Variants in FARS2 observed in about 807,000 individuals in gnomAD.
The protein encoded by FARS2 is phenylalanyl-tRNA synthetase 2, mitochondrial, also known as phenylalanine--tRNA ligase, mitochondrial.
Under a neutral mutation model 46.4 loss-of-function variants are expected in FARS2, and 40 were observed. That is an observed-to-expected ratio of 0.86 (90% CI 0.67 to 1.12). The LOEUF is 1.12. Ranked by LOEUF, FARS2 falls within the 50% of genes most tolerant of loss-of-function variation. The pLI is 0.00. For synonymous variants in FARS2, 234 were observed against 214.9 expected, an observed-to-expected ratio of 1.09 and a Z score of -0.78; for missense variants, 513 against 567.9, an observed-to-expected ratio of 0.90 and a Z score of 0.98.
intron 6 of FARS2, among the ~76,000 whole-genome samples, chr6:5,632,391 CT>C (rs1178567302): frequency 1.3e-5 from 2 of 151,110 alleles, no homozygotes; most frequent in East Asian, 3.9e-4. Flanking sequence ...GTTCTTTTTT[CT>C]TTTTTTTTAA....
chr6:5,546,444 G>A (rs541398286), intron 5 of FARS2, among the ~76,000 whole-genome samples: 1 of 151,630 alleles, frequency 6.6e-6, no homozygotes, highest in East Asian at 2.0e-4. Flanking sequence ...TAGAGACGGG[G>A]TTTCACCATG....
chr6:5,462,083 T>G (rs918715763), intron 4 of FARS2, among the ~76,000 whole-genome samples: 63 of 152,244 alleles, frequency 4.1e-4, no homozygotes, highest in African/African-American at 1.5e-3. Flanking sequence ...ATTATCTGAC[T>G]TTTTGAAAAT....
intron 3 of FARS2, 115 bp downstream of exon 3, chr6:5,404,816 C>G: frequency 1.3e-6 from 1 of 747,680 alleles, no homozygotes; most frequent in East Asian, 3.0e-5. Context: ...TTTTTTTTCC[C>G]CGAGACGGAG....
intron 4 of FARS2, among the ~76,000 whole-genome samples, chr6:5,450,625 T>A (rs1260705734): frequency 6.6e-6 from 1 of 152,134 alleles, no homozygotes; most frequent in African/African-American, 2.4e-5. Flanking sequence ...AAAGGTAAAA[T>A]TCATTCCTAG....
intron 6 of FARS2, among the ~76,000 whole-genome samples, chr6:5,642,540 C>A (rs943193700): frequency 2.6e-5 from 4 of 152,188 alleles, no homozygotes; most frequent in African/African-American, 9.7e-5. Flanking sequence ...GACTTGACAT[C>A]AGAGCATGCC....
chr6:5,717,921 T>TAGAGAGAGAGAGAGAGAGAGAG (rs1561818430), intron 6 of FARS2, among the ~76,000 whole-genome samples: 16 of 30,502 alleles, frequency 5.2e-4, no homozygotes, highest in African/African-American at 4.5e-3. Context: ...TATATATATA[T>TAGAGAGAGAGAGAGAGAGAGAG]ATATATATAT....
intron 6 of FARS2, among the ~76,000 whole-genome samples, chr6:5,681,522 A>G (rs564491126): frequency 6.6e-6 from 1 of 152,302 alleles, no homozygotes; most frequent in South Asian, 2.1e-4. Flanking sequence ...TTCAATGAGT[A>G]TTTCATTTGT....
At chr6:5,644,162 G>GT (rs1169397201) in intron 6 of FARS2, among the ~76,000 whole-genome samples, 2 of 152,092 alleles carry the variant, frequency 1.3e-5, no homozygotes, top group African/African-American at 4.8e-5. Flanking sequence ...ATCCTTGGCA[G>GT]TTTCCTTCCC....
rs115902103 is a variant in FARS2, at chr6:5,320,402, G to C, written c.-21-48148G>C. On this transcript the variant is annotated intron_variant, in intron 1 of 6. Coordinates refer to ENST00000274680, the MANE Select transcript of FARS2 (RefSeq NM_006567.5). ...CAGTTGACTGAGATTCACCTCTGCTGACTGCCCATTCAGTTGTTCTGTGCT... is the reference window on the plus strand; with the variant it reads ...CAGTTGACTGAGATTCACCTCTGCTCACTGCCCATTCAGTTGTTCTGTGCT... Among the ~76,000 whole-genome samples, 1,241 of 152,316 alleles carry C rather than the reference G, an allele frequency of 8.1e-3. 16 individuals carry two copies. The highest frequency in any genetic ancestry group is 0.029 in the African/African-American group (1,190 of 41,548).
intron 3 of FARS2, among the ~76,000 whole-genome samples, chr6:5,423,342 TA>T (rs1562029541): frequency 6.6e-6 from 1 of 151,930 alleles, no homozygotes; most frequent in Non-Finnish European, 1.5e-5. Flanking sequence ...AGGGGCCCAT[TA>T]AATTGTGCCA....
intron 5 of FARS2, chr6:5,609,526 A>G (rs1775053716): frequency 1.6e-6 from 2 of 1,252,632 alleles, no homozygotes; most frequent in Non-Finnish European, 2.3e-6. Context: ...TGACCACTGA[A>G]GTTTCCTCCA....
At chr6:5,560,974 C>CA (rs970841655) in intron 5 of FARS2, among the ~76,000 whole-genome samples, 21 of 151,562 alleles carry the variant, frequency 1.4e-4, no homozygotes, top group Admixed American at 5.9e-4. Context: ...ACTAAAAATA[C>CA]AAAAAAAATA....
At chr6:5,251,761 A>G in the FARS2 span, among the ~76,000 whole-genome samples, 2 of 152,140 alleles carry the variant, frequency 1.3e-5, no homozygotes, top group South Asian at 4.1e-4. Context: ...AGCCTTCTTG[A>G]TCAATCAGTG....
At chr6:5,521,045 T>C (rs576136330) in intron 4 of FARS2, among the ~76,000 whole-genome samples, 2 of 152,306 alleles carry the variant, frequency 1.3e-5, no homozygotes, top group East Asian at 1.9e-4. Flanking sequence ...AGATGAGCTC[T>C]GGTTCTTAGA....
chr6:5,746,619 G>A lies in FARS2; in HGVS notation c.1218-24672G>A, dbSNP rs575785265. ...AGCAGGATTTGGCTGGTGAGACTGC[G>A]GGCTCTGTCAGGAGAAAGCAGGGTG... On this transcript the variant is annotated intron_variant, in intron 6 of 6. Coordinates refer to ENST00000274680, the MANE Select transcript of FARS2 (RefSeq NM_006567.5). Among the ~76,000 whole-genome samples, 33 of 151,462 alleles carry A rather than the reference G, an allele frequency of 2.2e-4. No individual in the cohort carries two copies. In the South Asian group the frequency reaches 6.5e-3, roughly 30 times the overall value.
At chr6:5,680,969 A>G (rs1372309902) in intron 6 of FARS2, among the ~76,000 whole-genome samples, 3 of 152,250 alleles carry the variant, frequency 2.0e-5, no homozygotes, top group Admixed American at 2.0e-4. Flanking sequence ...TTAAAAATAT[A>G]AAAACAATAA....
At chr6:5,609,637 T>C in intron 5 of FARS2, 3 of 1,215,524 alleles carry the variant, frequency 2.5e-6, no homozygotes, top group Non-Finnish European at 3.6e-6. Context: ...TCACCATCTC[T>C]TGCTTTGACA....
intron 5 of FARS2, among the ~76,000 whole-genome samples, chr6:5,605,024 G>A (rs904619035): frequency 6.6e-6 from 1 of 152,210 alleles, no homozygotes; most frequent in Non-Finnish European, 1.5e-5. Context: ...ACAAAGTTAA[G>A]AACCATTGTG....
chr6:5,405,739 G>A (rs192420739), intron 3 of FARS2, among the ~76,000 whole-genome samples: 372 of 151,750 alleles, frequency 2.5e-3, no homozygotes, highest in Admixed American at 5.5e-3. Context: ...TGATTCACCC[G>A]CCTCGGCCTC....
Sources: allele counts gnomAD v4.1 joint callset (sites outside exome capture counted in the v4.1 genomes callset), GRCh38; gene constraint gnomAD v4.1.1; transcripts MANE v1.5; gene names NCBI Gene and HGNC (gene_info 2026-07-23, HGNC 2026-07-21).